The following HIPK2 variants were observed in gnomAD, a reference collection of about 807,000 sequenced individuals.
HIPK2 encodes the protein homeodomain interacting protein kinase 2, also known as homeodomain-interacting protein kinase 2.
Under a neutral mutation model 113.7 loss-of-function variants are expected in HIPK2, and 27 were observed. The ratio of observed to expected loss-of-function variants is 0.24; its 90% confidence interval spans 0.17 to 0.33. HIPK2 has a LOEUF of 0.33. Among genes scored for constraint, HIPK2 ranks in the 10% least tolerant of loss-of-function variants. HIPK2 has a pLI of 1.00. For missense variants in HIPK2, 1,257 were observed against 1,588.0 expected, an observed-to-expected ratio of 0.79 and a Z score of 3.54; for synonymous variants, 631 against 642.2, an observed-to-expected ratio of 0.98 and a Z score of 0.26.
chr7:139,705,826 T>TAAAA lies in HIPK2; in HGVS notation c.1103+10102_1103+10105dup, dbSNP rs1010543995. On this transcript the variant is annotated intron_variant, in intron 2 of 14. Transcript: ENST00000406875. ...ATAATAACAAGGATGAAAAGATTAG[T>TAAAA]AAAAAAAAAAAAAAAAAAGAGCAGC... Among the ~76,000 whole-genome samples, 3 of 105,348 alleles carry TAAAA rather than the reference T, an allele frequency of 2.8e-5. No individual in the cohort carries two copies. In the Admixed American group the frequency reaches 2.9e-4, roughly 10 times the overall value. 69.1% of individuals were successfully genotyped at this position (105,348 alleles called of 152,430 possible).
rs553945521 is a variant in HIPK2, at chr7:139,664,437, T to C, written c.1104-32712A>G. 2.0e-5 allele frequency among the ~76,000 whole-genome samples: 3 copies of C among 152,134 alleles called. No individual in the cohort carries two copies. In the East Asian group the frequency reaches 5.8e-4, roughly 29 times the overall value. On this transcript the variant is annotated intron_variant, in intron 2 of 14. Transcript: ENST00000406875. ...CTGTAATCCCAGCTACTAGGGAGGC[T>C]GAGGCAGGAGAATCGCTTGAACCTG...
chr7:139,664,808 C>A (rs771269374), intron 2 of HIPK2, among the ~76,000 whole-genome samples: 43 of 152,160 alleles, frequency 2.8e-4, no homozygotes, highest in Admixed American at 1.2e-3. Context: ...TCAGCCAAAG[C>A]AGAAATGATC....
At position 139,717,137 on chromosome 7, in the gene HIPK2, A is replaced by G. The variant is rs1270742840; in HGVS notation, c.20-122T>C. On this transcript the variant is annotated intron_variant, in intron 1 of 14. Coordinates refer to ENST00000406875, the MANE Select transcript of HIPK2 (RefSeq NM_022740.5). ...TACAGAATATATTCCTCCCACTTGA[A>G]AACAAGGTTGAAAAAGTGAATCTCT... 3.1e-6 allele frequency: 4 copies of G among 1,276,148 alleles called. No individual in the cohort carries two copies. The East Asian group carries it at 1.0e-4, about 33-fold the overall frequency. The allele number at this position is 1,276,148 out of a possible 1,614,324, so 79.1% of individuals were successfully genotyped here. A position where few individuals can be genotyped will look rare whatever the true frequency, so the allele number is the denominator to read the frequency against.
chr7:139,629,543 G>C (rs1488539174), intron 4 of HIPK2, among the ~76,000 whole-genome samples: 1 of 152,254 alleles, frequency 6.6e-6, no homozygotes, highest in African/African-American at 2.4e-5. Flanking sequence ...TGGGGAAACA[G>C]GAAGAGAAAG....
At chr7:139,687,056 G>T (rs1794247538) in intron 2 of HIPK2, among the ~76,000 whole-genome samples, 1 of 152,118 alleles carries the variant, frequency 6.6e-6, no homozygotes, top group African/African-American at 2.4e-5. Flanking sequence ...ACTCACTGAA[G>T]GCCCAGAAGA....
chr7:139,655,516 G>T (rs748979521), intron 2 of HIPK2, among the ~76,000 whole-genome samples: 1 of 152,164 alleles, frequency 6.6e-6, no homozygotes, highest in Non-Finnish European at 1.5e-5. Context: ...CTTATCCGAC[G>T]TGGCAGGGTC....
At chr7:139,604,337 G>C (rs765088603) in intron 9 of HIPK2, 114 bp from the exon 10 acceptor site, 37 of 1,440,312 alleles carry the variant, frequency 2.6e-5, no homozygotes, top group Non-Finnish European at 3.5e-5. Flanking sequence ...ATGGGTGTGA[G>C]AGTGAGGGCC....
At chr7:139,746,140 C>T (rs192976452) in intron 1 of HIPK2, among the ~76,000 whole-genome samples, 8 of 152,328 alleles carry the variant, frequency 5.3e-5, no homozygotes, top group Non-Finnish European at 8.8e-5. Flanking sequence ...AACTCTCCAT[C>T]TGCTGATGGC....
intron 2 of HIPK2, among the ~76,000 whole-genome samples, chr7:139,660,865 G>C (rs1801843775): frequency 6.6e-6 from 1 of 152,204 alleles, no homozygotes; most frequent in South Asian, 2.1e-4. Context: ...GAGATAGGAA[G>C]TGGTATGAGC....
chr7:139,572,898 T>TACCAAA lies in HIPK2; in HGVS notation c.*28_*29insTTTGGT. 14 of 407,280 alleles carry TACCAAA rather than the reference T, an allele frequency of 3.4e-5. 3 individuals are homozygous for TACCAAA. Among genetic ancestry groups the TACCAAA allele is most frequent in the Non-Finnish European group, 6.3e-5 (13 of 206,378 alleles). 25.2% of individuals were successfully genotyped at this position (407,280 alleles called of 1,614,324 possible). On this transcript the variant is annotated 3_prime_UTR_variant, in exon 15 of 15. Transcript: ENST00000406875. The stretch of plus-strand genomic sequence containing the variant: ...CTCCTCCCTCGGGCCATTCTCTCCC[T>TACCAAA]CCCTCCCTCCCTCCCTCCCCTCCAG...
chr7:139,618,966 G>A (rs1031818154), intron 7 of HIPK2, among the ~76,000 whole-genome samples: 1 of 152,188 alleles, frequency 6.6e-6, no homozygotes, highest in Non-Finnish European at 1.5e-5. Context: ...GTCTGGCTAT[G>A]GATGCTTTAG....
At chr7:139,704,869 G>A (rs950202926) in intron 2 of HIPK2, among the ~76,000 whole-genome samples, 1 of 152,204 alleles carries the variant, frequency 6.6e-6, no homozygotes, top group Non-Finnish European at 1.5e-5. Context: ...TGGGCCAGAA[G>A]CAGCAGCCTG....
Position 139,607,951 on chromosome 7 carries a change from G to A in HIPK2, c.2113-3728C>T, listed in dbSNP as rs192618513. Among the ~76,000 whole-genome samples the A allele has an allele frequency of 3.1e-3, 465 of 152,094 alleles. 3 individuals are homozygous for A. The highest frequency in any genetic ancestry group is 0.01 in the African/African-American group (420 of 41,500). On this transcript the variant is annotated intron_variant, in intron 9 of 14. Coordinates refer to ENST00000406875, the MANE Select transcript of HIPK2 (RefSeq NM_022740.5). ...TTAAACAGTTAAGTTAAAAATTATC[G>A]TTATGGCCAGGGCACAGTGGCTCAC...
rs1585264597 is a variant in HIPK2 at position 139,604,210 on chromosome 7, C to T, written c.2126G>A (p.Ser709Asn). The change falls in exon 10 of 15, where the codon AGT becomes AAT. Residue 709 changes from serine to asparagine, a missense_variant. Physicochemically the swap from Ser to Asn is conservative, Grantham distance 46 (BLOSUM62 1). Around this residue, in one of 5 missense-constraint regions of HIPK2, gnomAD observed 862 missense variants for 1,004.3 expected, o/e 0.86. Coordinates refer to ENST00000406875, the MANE Select transcript of HIPK2 (RefSeq NM_022740.5). Reference sequence around the variant, plus strand: ...GGGAAGCAGGATCTGCTGGGTCCCACTTGGCCAAGCCTGCTGTAGAACACA... The same window carrying T: ...GGGAAGCAGGATCTGCTGGGTCCCATTTGGCCAAGCCTGCTGTAGAACACA... The part of the protein sequence containing the change: ...PGLLAQQAWP[S>N]GTQQILLPPA... 2.5e-6 allele frequency: 4 copies of T among 1,611,972 alleles called. No homozygotes were observed. The highest frequency in any genetic ancestry group is 3.4e-6 in the Non-Finnish European group (4 of 1,178,724).
At chr7:139,650,182 T>A (rs1160714671) in intron 2 of HIPK2, among the ~76,000 whole-genome samples, 1 of 151,860 alleles carries the variant, frequency 6.6e-6, no homozygotes, top group Non-Finnish European at 1.5e-5. Context: ...AAACTCCATC[T>A]CTACTAAAAA....
At chr7:139,777,147 G>C (rs1263080843) in intron 1 of HIPK2, 1 of 152,322 alleles carries the variant, frequency 6.6e-6, no homozygotes, top group East Asian at 1.9e-4. Flanking sequence ...CAAAATCGGA[G>C]GCTCGCGGAG....
At chr7:139,696,048 G>A (rs1407372440) in intron 2 of HIPK2, among the ~76,000 whole-genome samples, 1 of 152,158 alleles carries the variant, frequency 6.6e-6, no homozygotes, top group Non-Finnish European at 1.5e-5. Flanking sequence ...CTGGCCAGAG[G>A]GAGAAAAAGT....
chr7:139,603,399 C>T (rs1316699297), intron 10 of HIPK2, among the ~76,000 whole-genome samples: 3 of 152,080 alleles, frequency 2.0e-5, no homozygotes, highest in African/African-American at 7.2e-5. Flanking sequence ...ATAAAAATAA[C>T]AGAGGAGCGC....
intron 1 of HIPK2, among the ~76,000 whole-genome samples, chr7:139,730,080 T>C (rs1795725217): frequency 6.6e-6 from 1 of 152,222 alleles, no homozygotes. Flanking sequence ...TAGAAATGTT[T>C]GGTAAAGTCT....
Sources: allele counts gnomAD v4.1 joint callset (sites outside exome capture counted in the v4.1 genomes callset), GRCh38; gene constraint gnomAD v4.1.1; regional missense constraint gnomAD v4.1.1; transcripts MANE v1.5; gene names NCBI Gene and HGNC (gene_info 2026-07-23, HGNC 2026-07-21).